The following KANSL2 variants were observed in gnomAD, a reference collection of about 807,000 sequenced individuals.
KANSL2 encodes NSL complex protein NSL2.
KANSL2 carries 34 observed loss-of-function variants against 55.6 expected under a neutral mutation model. That is an observed-to-expected ratio of 0.61 (90% CI 0.46 to 0.81). The LOEUF (loss-of-function observed/expected upper bound fraction) is 0.81, where lower values mean the gene tolerates loss of function less well. Ranked by LOEUF, KANSL2 falls within the 40% of genes least tolerant of loss-of-function variation. The probability of loss-of-function intolerance (pLI) is 0.00; values close to 1 mark genes in which losing one functional copy is unlikely to be tolerated. For missense variants in KANSL2, 502 were observed against 609.9 expected (o/e 0.82, Z 1.86); for synonymous variants, 209 against 214.3 (o/e 0.98, Z 0.22).
In KANSL2 at chr12:48,671,841, GCTT is replaced by G. The variant is rs1939719812; in HGVS notation, c.664_666del (p.Lys222del). 1 of 1,612,732 alleles carries G rather than the reference GCTT, an allele frequency of 6.2e-7. No homozygotes were observed. Among genetic ancestry groups the G allele is most frequent in the Non-Finnish European group, 8.5e-7 (1 of 1,179,278 alleles). On this transcript the variant is annotated inframe_deletion, in exon 5 of 10. Coordinates refer to ENST00000420613, the MANE Select transcript of KANSL2 (RefSeq NM_017822.4). ...ACTTTGCGATTATGTAAGTATCGGC[GCTT>G]CTTCTCCTTGAGCAGATGCTGAAGT...
intron 7 of KANSL2, among the ~76,000 whole-genome samples, chr12:48,664,413 G>A (rs1308643328): frequency 1.3e-4 from 19 of 150,568 alleles, no homozygotes; most frequent in African/African-American, 4.7e-4. Context: ...TTCAGTAGCT[G>A]GGACTACAGG....
chr12:48,655,181 T>TAAAAAA, intron 8 of KANSL2, 121 bp from the exon 9 acceptor site: 1 of 863,474 alleles, frequency 1.2e-6, no homozygotes, highest in African/African-American at 1.7e-5. Flanking sequence ...CTACCTTTAA[T>TAAAAAA]AAAAAAAAAA....
chr12:48,680,899 AAGG>A (rs1565610752), intron 2 of KANSL2, among the ~76,000 whole-genome samples: 2 of 113,364 alleles, frequency 1.8e-5, no homozygotes, highest in South Asian at 2.8e-4. Flanking sequence ...TTGAACCTGG[AAGG>A]AGGAGGTTGC....
intron 8 of KANSL2, among the ~76,000 whole-genome samples, chr12:48,658,012 C>T (rs565883884): frequency 6.6e-6 from 1 of 152,268 alleles, no homozygotes; most frequent in African/African-American, 2.4e-5. Flanking sequence ...GGGCGAAACA[C>T]TTGAGGCCAG....
rs368097444 is a variant in KANSL2 at position 48,681,470 on chromosome 12, T to G, written c.163A>C (p.Asn55His). ...TAACTACACTGCTTGAAGGGTGCAT[T>G]CTTGTCTTCAAGGATATGCTTAATG... ...FCIKHILEDK[N>H]APFKQCSYIS... is the part of the protein sequence containing the mutation. The change falls in exon 2 of 10, where the codon AAT becomes CAT. Residue 55 changes from asparagine to histidine, a missense_variant. By Grantham distance (68) the Asn-to-His change is moderately conservative. Coordinates refer to ENST00000420613, the MANE Select transcript of KANSL2 (RefSeq NM_017822.4). 6.2e-7 allele frequency: 1 copy of G among 1,614,016 alleles called. No individual in the cohort carries two copies.
Position 48,660,466 on chromosome 12 carries a change from A to G in KANSL2, c.1127T>C (p.Val376Ala). 1 of 1,613,898 alleles carries G rather than the reference A, an allele frequency of 6.2e-7. No homozygotes were observed. Among genetic ancestry groups the G allele is most frequent in the Non-Finnish European group, 8.5e-7 (1 of 1,179,858 alleles). Reference sequence around the variant, plus strand: ...TTCCAGATCGTCTGGCACAGACAGTACCTGCTCGGGCTTATACATCTGAGG... The same window carrying G: ...TTCCAGATCGTCTGGCACAGACAGTGCCTGCTCGGGCTTATACATCTGAGG... Reference protein sequence around the residue: ...LPPQMYKPEQVLSVPDDLEAG... With the variant: ...LPPQMYKPEQALSVPDDLEAG... The change falls in exon 8 of 10, where the codon GTA becomes GCA. Residue 376 changes from valine (V) to alanine (A), a missense_variant. Coordinates refer to ENST00000420613, the MANE Select transcript of KANSL2 (RefSeq NM_017822.4).
intron 7 of KANSL2, among the ~76,000 whole-genome samples, chr12:48,661,963 T>C (rs1311268126): frequency 6.6e-6 from 1 of 152,208 alleles, no homozygotes; most frequent in Non-Finnish European, 1.5e-5. Flanking sequence ...CAAACAAATA[T>C]TTATTGAATG....
At chr12:48,678,990 A>AC (rs757981839) in intron 4 of KANSL2, 46 bp downstream of exon 4, 15 of 1,340,640 alleles carry the variant, frequency 1.1e-5, no homozygotes, top group Admixed American at 1.8e-5. Context: ...ACTACATTCC[A>AC]CATACTAACT....
chr12:48,681,801 G>A (rs760717216), intron 1 of KANSL2, 160 bp from the exon 2 acceptor site: 1 of 873,124 alleles, frequency 1.1e-6, no homozygotes, highest in Non-Finnish European at 1.9e-6. Context: ...ACAGGCATCT[G>A]TGGCTTTGCC....
At chr12:48,667,498 T>C (rs554171020) in intron 7 of KANSL2, 195 bp downstream of exon 7, 2 of 715,050 alleles carry the variant, frequency 2.8e-6, no homozygotes, top group Admixed American at 1.8e-5. Context: ...ATTTCCAAAG[T>C]TATGAAATGG....
At position 48,671,673 on chromosome 12, in the gene KANSL2, A is replaced by G. The variant is rs551363564; in HGVS notation, c.709+126T>C. On this transcript the variant is annotated intron_variant, in intron 5 of 9. Coordinates refer to ENST00000420613, the MANE Select transcript of KANSL2 (RefSeq NM_017822.4). Reference sequence around the variant, plus strand: ...CACCTACGTTAGCGTGAGTCACTCCATGAAGTTTGAATGACAAAAATCACC... The same window carrying G: ...CACCTACGTTAGCGTGAGTCACTCCGTGAAGTTTGAATGACAAAAATCACC... 891 of 979,358 alleles carry G rather than the reference A, an allele frequency of 9.1e-4. 3 individuals carry two copies. The highest frequency in any genetic ancestry group is 7.9e-3 in the South Asian group (495 of 62,848). 60.7% of individuals were successfully genotyped at this position (979,358 alleles called of 1,614,324 possible). A position where few individuals can be genotyped will look rare whatever the true frequency, so the allele number is the denominator to read the frequency against.
chr12:48,662,484 C>A, intron 7 of KANSL2: 1 of 1,148,032 alleles, frequency 8.7e-7, no homozygotes, highest in South Asian at 1.7e-5. Flanking sequence ...TAAAAAAGGA[C>A]TCCCCCCATC....
chr12:48,671,654 C>T (rs904781949), intron 5 of KANSL2, 145 bp downstream of exon 5: 9 of 797,000 alleles, frequency 1.1e-5, no homozygotes, highest in South Asian at 1.0e-4. Context: ...ATACCACCTA[C>T]GTTAGCGTGA....
chr12:48,663,692 T>C (rs1352827520), intron 7 of KANSL2, among the ~76,000 whole-genome samples: 1 of 152,150 alleles, frequency 6.6e-6, no homozygotes, highest in East Asian at 1.9e-4. Flanking sequence ...AAGAACACAA[T>C]ATATAAGACA....
At chr12:48,662,688 T>C (rs1217489067) in intron 7 of KANSL2, 2 of 1,277,252 alleles carry the variant, frequency 1.6e-6, no homozygotes, top group East Asian at 5.7e-5. Context: ...GTAAGTGACT[T>C]AGGCAACTAT....
At chr12:48,672,063 T>C (rs1284833847) in intron 4 of KANSL2, 101 bp from the exon 5 acceptor site, 6 of 987,846 alleles carry the variant, frequency 6.1e-6, no homozygotes, top group African/African-American at 4.9e-5. Flanking sequence ...ATTTAACAAG[T>C]GGTGACATAA....
At chr12:48,675,665 A>G (rs1409503221) in intron 4 of KANSL2, among the ~76,000 whole-genome samples, 2 of 152,224 alleles carry the variant, frequency 1.3e-5, no homozygotes, top group Non-Finnish European at 2.9e-5. Context: ...AGCCATTACT[A>G]TTAGAAGTTA....
chr12:48,670,276 T>C (rs1034404158), intron 5 of KANSL2, among the ~76,000 whole-genome samples: 4 of 151,962 alleles, frequency 2.6e-5, no homozygotes, highest in African/African-American at 9.7e-5. Flanking sequence ...ATGTTACTGG[T>C]TTATATATTT....
In KANSL2 at chr12:48,682,207, G is replaced by C. The variant is rs1442100182; in HGVS notation, c.-30C>G. 3.0e-6 allele frequency: 2 copies of C among 658,684 alleles called. No individual in the cohort carries two copies. The highest frequency in any genetic ancestry group is 2.3e-5 in the Admixed American group (1 of 43,988). The allele number at this position is 658,684 out of a possible 1,614,324, so 40.8% of individuals were successfully genotyped here. On this transcript the variant is annotated 5_prime_UTR_variant, in exon 1 of 10. Coordinates refer to ENST00000420613, the MANE Select transcript of KANSL2 (RefSeq NM_017822.4). ...CTTACCTCAGGAGCTGCGCTGCGCC[G>C]CACTCTGCCGCGCCGCTCGCCCTTC...
Sources: allele counts gnomAD v4.1 joint callset (sites outside exome capture counted in the v4.1 genomes callset), GRCh38; gene constraint gnomAD v4.1.1; transcripts MANE v1.5; gene names NCBI Gene and HGNC (gene_info 2026-07-23, HGNC 2026-07-21).